ADAM11: variants seen among roughly 807,000 people sequenced by gnomAD.
ADAM11 encodes the protein ADAM metallopeptidase domain 11.
A neutral mutation model predicts 119.1 loss-of-function variants in ADAM11; 49 were observed. The observed-to-expected ratio is 0.41, with a 90% CI of 0.33 to 0.52. ADAM11 has a LOEUF of 0.52. Ranked by LOEUF, ADAM11 falls within the 20% of genes least tolerant of loss-of-function variation. The probability of loss-of-function intolerance (pLI) is 0.20; values close to 1 mark genes in which losing one functional copy is unlikely to be tolerated. For synonymous variants in ADAM11, 364 were observed against 408.0 expected (o/e 0.89, Z 1.30); for missense variants, 777 against 1,047.5 (o/e 0.74, Z 3.56).
At position 44,775,498 on chromosome 17, in the gene ADAM11, C is replaced by T. The variant is rs771091139; in HGVS notation, c.1392+33C>T. Reference sequence around the variant, plus strand: ...GTGGTGCGGGCGCCAGGTGGGGAACCGGGATGCGGGGGTGGGCACGAGGGA... The same window carrying T: ...GTGGTGCGGGCGCCAGGTGGGGAACTGGGATGCGGGGGTGGGCACGAGGGA... On this transcript the variant is annotated intron_variant, in intron 16 of 26. Coordinates refer to ENST00000200557, the MANE Select transcript of ADAM11 (RefSeq NM_002390.6). The surrounding 1 kb of genome is among the most constrained non-coding windows in gnomAD (Gnocchi z 7.5). 7 of 1,592,668 alleles carry T rather than the reference C, an allele frequency of 4.4e-6. No individual in the cohort carries two copies. Among genetic ancestry groups the T allele is most frequent in the South Asian group, 1.1e-5 (1 of 89,728 alleles).
In ADAM11 at chr17:44,773,722, T is replaced by C. The variant is rs1330565107; in HGVS notation, c.992+295T>C. Among the ~76,000 whole-genome samples, 2 of 151,990 alleles carry C rather than the reference T, an allele frequency of 1.3e-5. No individual in the cohort carries two copies. Among genetic ancestry groups the C allele is most frequent in the Admixed American group, 1.3e-4 (2 of 15,258 alleles). On this transcript the variant is annotated intron_variant, in intron 11 of 26. Transcript: ENST00000200557. The surrounding 1 kb of genome is among the most constrained non-coding windows in gnomAD (Gnocchi z 4.6). The stretch of plus-strand genomic sequence containing the variant: ...CTTCCTCAGGGACCCAGTGCCCTAG[T>C]AGGGAAAAAAATCTAATAAAAGGGC...
At chr17:44,768,531 G>A (rs1051706489) in intron 2 of ADAM11, among the ~76,000 whole-genome samples, 1 of 152,192 alleles carries the variant, frequency 6.6e-6, no homozygotes, top group African/African-American at 2.4e-5. Context: ...AAGTTAGTCA[G>A]CCCCACTGTG....
rs1306367316 is a variant in ADAM11, at chr17:44,771,632, C to T, written c.430C>T (p.His144Tyr). 2.5e-6 allele frequency: 4 copies of T among 1,611,558 alleles called. No homozygotes were observed. The highest frequency in any genetic ancestry group is 2.2e-5 in the East Asian group (1 of 44,874). The change falls in exon 5 of 27, where the codon CAC becomes TAC. Residue 144 changes from histidine (H) to tyrosine (Y), a missense_variant. By Grantham distance (83) the His-to-Tyr change is moderately conservative (BLOSUM62 2). Transcript: ENST00000200557. The part of the protein sequence containing the change: ...YYQGKLRGNP[H>Y]SFAALSTCQG... ...CCAGGGGAAGCTCCGGGGGAACCCGCACTCCTTCGCCGCCCTCTCCACCTG... is the reference window on the plus strand; with the variant it reads ...CCAGGGGAAGCTCCGGGGGAACCCGTACTCCTTCGCCGCCCTCTCCACCTG...
In ADAM11 at chr17:44,776,996, G is replaced by T; in HGVS notation, c.1681+34G>T. Reference sequence around the variant, plus strand: ...GGCTAGGGCTGGGAGTGGGGACTCCGGAGGACCCAGAGCTGAGAAGCTGGG... The same window carrying T: ...GGCTAGGGCTGGGAGTGGGGACTCCTGAGGACCCAGAGCTGAGAAGCTGGG... On this transcript the variant is annotated intron_variant, in intron 20 of 26. Coordinates refer to ENST00000200557, the MANE Select transcript of ADAM11 (RefSeq NM_002390.6). This position sits in a 1 kb window ranked among gnomAD's most constrained non-coding sequence, Gnocchi z 5.2. 2 of 1,600,496 alleles carry T rather than the reference G, an allele frequency of 1.2e-6. No homozygotes were observed. Among genetic ancestry groups the T allele is most frequent in the Non-Finnish European group, 8.5e-7 (1 of 1,169,770 alleles).
chr17:44,777,413 G>A lies in ADAM11; in HGVS notation c.1782-69G>A, dbSNP rs550267715. On this transcript the variant is annotated intron_variant, in intron 21 of 26. Transcript: ENST00000200557. This position sits in a 1 kb window ranked among gnomAD's most constrained non-coding sequence, Gnocchi z 5.1. ...TGAGGTGGCAGGGTGCAGGGTGAGG[G>A]CAGATTAGAGTTCAGTAGTTGAGTC... 22 of 1,568,186 alleles carry A rather than the reference G, an allele frequency of 1.4e-5. 1 individual carries two copies. The Admixed American group carries it at 3.2e-4, about 23-fold the overall frequency.
At chr17:44,768,407 C>T (rs1203300302) in intron 2 of ADAM11, among the ~76,000 whole-genome samples, 4 of 152,172 alleles carry the variant, frequency 2.6e-5, no homozygotes. Context: ...TGCTCCTCTC[C>T]CAGGACCTCT....
chr17:44,766,518 G>C lies in ADAM11; in HGVS notation c.238-3200G>C, dbSNP rs149761316. Among the ~76,000 whole-genome samples the C allele has an allele frequency of 2.8e-3, 433 of 152,258 alleles. 3 individuals are homozygous for C. Among genetic ancestry groups the C allele is most frequent in the African/African-American group, 0.01 (416 of 41,556 alleles). On this transcript the variant is annotated intron_variant, in intron 2 of 26. Transcript: ENST00000200557. ...GGCCAGCCAGAGAGGAGCCTCGGGT[G>C]GAAGGGGTGGTCACCCCTGCCAGGC...
chr17:44,774,833 G>T (rs1282529783), intron 14 of ADAM11, 84 bp downstream of exon 14: 2 of 1,497,828 alleles, frequency 1.3e-6, no homozygotes, highest in Non-Finnish European at 1.8e-6. Context: ...TGGACCAGGG[G>T]GCTCAAGAGG....
At position 44,774,358 on chromosome 17, in the gene ADAM11, C is replaced by A; in HGVS notation, c.1056C>A (p.Ser352=). 1 of 1,492,368 alleles carries A rather than the reference C, an allele frequency of 6.7e-7. No individual in the cohort carries two copies. The allele number at this position is 1,492,368 out of a possible 1,614,324, so 92.4% of individuals were successfully genotyped here. Residue 352 remains serine, a synonymous_variant, in exon 12 of 27, where the codon TCC becomes TCA. Coordinates refer to ENST00000200557, the MANE Select transcript of ADAM11 (RefSeq NM_002390.6). ...ACGTGGGGGGCATATGCTCCCTGTC[C>A]CACGGCGGGGGTGTGAACGAGGTGA... ...AAYVGGICSL[S]HGGGVNEYGN... is the part of the protein sequence containing the mutation.
rs760584511 is a variant in ADAM11 at position 44,772,853 on chromosome 17, C to G, written c.679-4C>G. The G allele has an allele frequency of 1.1e-5, 17 of 1,613,494 alleles. No homozygotes were observed. In the Admixed American group the frequency reaches 1.5e-4, roughly 14 times the overall value. ...CTGATTCCAAGTGCCCACCCACCCCCCAGGTCCGCCGGGGCCACCCTACAG... is the reference window on the plus strand; with the variant it reads ...CTGATTCCAAGTGCCCACCCACCCCGCAGGTCCGCCGGGGCCACCCTACAG... On this transcript the variant is annotated splice_region_variant and splice_polypyrimidine_tract_variant and intron_variant, in intron 8 of 26. Transcript: ENST00000200557. The surrounding 1 kb of genome is among the most constrained non-coding windows in gnomAD (Gnocchi z 4.5).
At position 44,769,699 on chromosome 17, in the gene ADAM11, C is replaced by CGGGGG; in HGVS notation, c.238-19_238-18insGGGGG. On this transcript the variant is annotated intron_variant, in intron 2 of 26. Transcript: ENST00000200557. ...AGGCCTCCCTGGGTTGACTCCCCCTCTGCCCTCCCCCCACCCAGCCTGTCC... is the reference window on the plus strand; with the variant it reads ...AGGCCTCCCTGGGTTGACTCCCCCTCGGGGGTGCCCTCCCCCCACCCAGCCTGTCC... The CGGGGG allele has an allele frequency of 4.4e-6, 7 of 1,574,516 alleles. No homozygotes were observed. The highest frequency in any genetic ancestry group is 6.1e-6 in the Non-Finnish European group (7 of 1,145,056).
At position 44,773,260 on chromosome 17, in the gene ADAM11, G is replaced by C; in HGVS notation, c.826-1G>C. The C allele has an allele frequency of 6.2e-7, 1 of 1,612,962 alleles. No individual in the cohort carries two copies. Among genetic ancestry groups the C allele is most frequent in the Non-Finnish European group, 8.5e-7 (1 of 1,179,456 alleles). ...CTCCAGCCCCCTCATCTTCTCCCCAGATATACAAGGAGCAGCTCAACACTC... is the reference window on the plus strand; with the variant it reads ...CTCCAGCCCCCTCATCTTCTCCCCACATATACAAGGAGCAGCTCAACACTC... On this transcript the variant is annotated splice_acceptor_variant, in intron 10 of 26. Transcript: ENST00000200557. LOFTEE classifies it high-confidence loss of function. The surrounding 1 kb of genome is among the most constrained non-coding windows in gnomAD (Gnocchi z 4.6).
In ADAM11 at chr17:44,776,442, G is replaced by C. The variant is rs1050233579; in HGVS notation, c.1566+235G>C. ...GCTGGTATTCCCAGCGCCTGGCCCGGTGCCTGGTGTAGGTTAGGGATCAGA... is the reference window on the plus strand; with the variant it reads ...GCTGGTATTCCCAGCGCCTGGCCCGCTGCCTGGTGTAGGTTAGGGATCAGA... On this transcript the variant is annotated intron_variant, in intron 18 of 26. Transcript: ENST00000200557. The surrounding 1 kb of genome is among the most constrained non-coding windows in gnomAD (Gnocchi z 5.2). Among the ~76,000 whole-genome samples the C allele has an allele frequency of 6.6e-6, 1 of 152,160 alleles. No homozygotes were observed. The highest frequency in any genetic ancestry group is 1.5e-5 in the Non-Finnish European group (1 of 68,030).
In ADAM11 at chr17:44,777,246, T is replaced by G. The variant is rs774631632; in HGVS notation, c.1762T>G (p.Trp588Gly). 6.2e-7 allele frequency: 1 copy of G among 1,606,370 alleles called. No individual in the cohort carries two copies. The highest frequency in any genetic ancestry group is 8.5e-7 in the Non-Finnish European group (1 of 1,179,152). ...GAGCTGTGGGCGCAAGGGATCTGGC[T>G]GGGTCCAGTGCAGTAAGCAGTGAGT... ...RGSCGRKGSGWVQCSKQDVLC... is the reference protein window; with the variant it reads ...RGSCGRKGSGGVQCSKQDVLC... The change falls in exon 21 of 27, where the codon TGG becomes GGG. Residue 588 changes from tryptophan (W) to glycine (G), a missense_variant. Trp to Gly is a radical substitution (Grantham distance 184, BLOSUM62 -2). Coordinates refer to ENST00000200557, the MANE Select transcript of ADAM11 (RefSeq NM_002390.6). This position sits in a 1 kb window ranked among gnomAD's most constrained non-coding sequence, Gnocchi z 5.1.
At chr17:44,763,107 A>G (rs921465532) in intron 2 of ADAM11, among the ~76,000 whole-genome samples, 2 of 152,194 alleles carry the variant, frequency 1.3e-5, no homozygotes, top group Non-Finnish European at 2.9e-5. Flanking sequence ...CTGCACTCCA[A>G]CCTAGGCTAC....
Position 44,769,814 on chromosome 17 carries a change from C to T in ADAM11, c.314+20C>T. 1.2e-6 allele frequency: 2 copies of T among 1,612,728 alleles called. No individual in the cohort carries two copies. The highest frequency in any genetic ancestry group is 8.5e-7 in the Non-Finnish European group (1 of 1,178,792). ...GAACCAGTGAGTGTGGCCTTGAGCCCAAGAGGAAGGGCAGTGGTGGGGCGG... is the reference window on the plus strand; with the variant it reads ...GAACCAGTGAGTGTGGCCTTGAGCCTAAGAGGAAGGGCAGTGGTGGGGCGG... On this transcript the variant is annotated intron_variant, in intron 3 of 26. Transcript: ENST00000200557.
chr17:44,772,200 G>GC lies in ADAM11; in HGVS notation c.544-62dup. The stretch of plus-strand genomic sequence containing the variant: ...GGGGTGGAGGCGAGGGCTGGATCTG[G>GC]CCCCCGCCAAGTGGGCCTGGAGCAG... On this transcript the variant is annotated intron_variant, in intron 6 of 26. Coordinates refer to ENST00000200557, the MANE Select transcript of ADAM11 (RefSeq NM_002390.6). This position sits in a 1 kb window ranked among gnomAD's most constrained non-coding sequence, Gnocchi z 4.5. 1.4e-6 allele frequency: 2 copies of GC among 1,459,836 alleles called. No homozygotes were observed. Among genetic ancestry groups the GC allele is most frequent in the Non-Finnish European group, 1.9e-6 (2 of 1,063,054 alleles). 90.4% of individuals were successfully genotyped at this position (1,459,836 alleles called of 1,614,324 possible). A position where few individuals can be genotyped will look rare whatever the true frequency, so the allele number is the denominator to read the frequency against.
intron 4 of ADAM11, among the ~76,000 whole-genome samples, chr17:44,770,520 A>C (rs2049510940): frequency 6.8e-6 from 1 of 146,238 alleles, no homozygotes; most frequent in African/African-American, 2.7e-5. Flanking sequence ...CCTGTTCAGT[A>C]ACTGGAGCAC....
chr17:44,769,904 G>A, intron 3 of ADAM11, 78 bp from the exon 4 acceptor site: 1 of 1,607,338 alleles, frequency 6.2e-7, no homozygotes, highest in Non-Finnish European at 8.5e-7. Flanking sequence ...AGGGGACCTG[G>A]GTCCTGACCT....
Sources: allele counts gnomAD v4.1 joint callset (sites outside exome capture counted in the v4.1 genomes callset), GRCh38; gene constraint gnomAD v4.1.1; non-coding constraint Gnocchi (gnomAD v3.1); transcripts MANE v1.5; gene names NCBI Gene and HGNC (gene_info 2026-07-23, HGNC 2026-07-21).